Variants in RNF13 observed in about 807,000 individuals in gnomAD.
RNF13 encodes the protein E3 ubiquitin-protein ligase RNF13.
In RNF13, 19 loss-of-function variants were observed where a neutral mutation model predicts 37.7. The ratio of observed to expected loss-of-function variants is 0.50; its 90% CI spans 0.35 to 0.74. The LOEUF is 0.74. Among genes scored for constraint, RNF13 ranks in the 30% least tolerant of loss-of-function variants. The probability of loss-of-function intolerance (pLI) is 0.01; values close to 1 mark genes in which losing one functional copy is unlikely to be tolerated. For missense variants in RNF13, 375 were observed against 453.0 expected (o/e 0.83, Z 1.56); for synonymous variants, 144 against 157.8 (o/e 0.91, Z 0.65).
intron 2 of RNF13, among the ~76,000 whole-genome samples, chr3:149,846,896 C>T (rs1171717738): frequency 1.3e-5 from 2 of 152,140 alleles, no homozygotes; most frequent in African/African-American, 4.8e-5. Context: ...AGAAGAGAAG[C>T]ACAGTGGTCC....
At chr3:149,889,607 A>G (rs560516247) in intron 4 of RNF13, among the ~76,000 whole-genome samples, 3 of 149,746 alleles carry the variant, frequency 2.0e-5, no homozygotes, top group Non-Finnish European at 4.4e-5. Flanking sequence ...TTGGCCCCAA[A>G]TATTTATTGA....
intron 1 of RNF13, among the ~76,000 whole-genome samples, chr3:149,824,040 A>G (rs536103132): frequency 6.6e-6 from 1 of 152,358 alleles, no homozygotes; most frequent in Non-Finnish European, 1.5e-5. Context: ...GAGGTGCTCA[A>G]GAATGTTGGG....
Position 149,823,735 on chromosome 3 carries a change from A to G in RNF13, c.-17+10382A>G, listed in dbSNP as rs1720220282. On this transcript the variant is annotated intron_variant, in intron 1 of 9. Transcript: ENST00000392894. ...AGGGAAAATCTTTGTTATAATTTCA[A>G]GTAAAAAAGCATACAAATCATAATA... is the stretch of plus-strand genomic sequence containing the variant. 2.6e-5 allele frequency among the ~76,000 whole-genome samples: 4 copies of G among 152,342 alleles called. No homozygotes were observed. In the South Asian group the frequency reaches 8.3e-4, roughly 32 times the overall value.
chr3:149,959,245 T>C (rs1431070470), intron 8 of RNF13, among the ~76,000 whole-genome samples: 1 of 152,242 alleles, frequency 6.6e-6, no homozygotes, highest in Non-Finnish European at 1.5e-5. Context: ...AAACTGCTAG[T>C]TCCTGTGAAC....
At chr3:149,944,097 T>G (rs1720541319) in intron 8 of RNF13, among the ~76,000 whole-genome samples, 1 of 152,172 alleles carries the variant, frequency 6.6e-6, no homozygotes, top group Admixed American at 6.5e-5. Context: ...TTGCTGAGAA[T>G]GATGGTTTCC....
At chr3:149,950,362 T>A (rs545485548) in intron 8 of RNF13, among the ~76,000 whole-genome samples, 10 of 152,368 alleles carry the variant, frequency 6.6e-5, no homozygotes, top group African/African-American at 2.4e-4. Flanking sequence ...TGTTGAAAGC[T>A]GGACATGATA....
chr3:149,885,765 G>A (rs143098814), intron 4 of RNF13, among the ~76,000 whole-genome samples: 2 of 152,176 alleles, frequency 1.3e-5, no homozygotes, highest in Non-Finnish European at 2.9e-5. Flanking sequence ...TTTTGCTTTG[G>A]TTGCCTGTGC....
intron 7 of RNF13, among the ~76,000 whole-genome samples, chr3:149,917,923 T>G (rs1425909151): frequency 2.6e-5 from 4 of 152,206 alleles, no homozygotes; most frequent in Non-Finnish European, 5.9e-5. Flanking sequence ...AATTCAATAA[T>G]TTTAAGTATC....
Position 149,911,843 on chromosome 3 carries a change from A to G in RNF13, c.501-135A>G, listed in dbSNP as rs991574847. The G allele has an allele frequency of 5.6e-5, 34 of 605,642 alleles. 1 individual carries two copies. The South Asian group carries it at 6.8e-4, about 12-fold the overall frequency. 37.5% of individuals were successfully genotyped at this position (605,642 alleles called of 1,614,324 possible). Reference sequence around the variant, plus strand: ...TAAATTATTGAAAGTCATATTTTAGAAAATGAAATGTATGTAGTGGATTTA... The same window carrying G: ...TAAATTATTGAAAGTCATATTTTAGGAAATGAAATGTATGTAGTGGATTTA... On this transcript the variant is annotated intron_variant, in intron 6 of 9. Transcript: ENST00000392894.
In RNF13 at chr3:149,813,326, GT is replaced by G. The variant is rs1258581581; in HGVS notation, c.-41del. The G allele has an allele frequency of 6.6e-6, 1 of 152,332 alleles. No homozygotes were observed. The highest frequency in any genetic ancestry group is 2.4e-5 in the African/African-American group (1 of 41,456). The allele number at this position is 152,332 out of a possible 1,614,324, so 9.4% of individuals were successfully genotyped here. A position where few individuals can be genotyped will look rare whatever the true frequency, so the allele number is the denominator to read the frequency against. On this transcript the variant is annotated 5_prime_UTR_variant, in exon 1 of 10. Transcript: ENST00000392894. ...CCGCAGCGACGCGGCTGGCAAGACT[GT>G]TTGTGTTGCGGGGGCCGGACTTCAA... is the stretch of plus-strand genomic sequence containing the variant.
rs1723293261 is a variant in RNF13 at position 149,853,437 on chromosome 3, T to A, written c.195+841T>A. 2.1e-5 allele frequency among the ~76,000 whole-genome samples: 3 copies of A among 140,294 alleles called. No homozygotes were observed. In the South Asian group the frequency reaches 7.0e-4, roughly 33 times the overall value. 92.0% of individuals were successfully genotyped at this position (140,294 alleles called of 152,430 possible). ...GAACTTAAACATATTTTTTGCTGTGTGTGTGAGAGAGAGAGAGGGAGAGAG... is the reference window on the plus strand; with the variant it reads ...GAACTTAAACATATTTTTTGCTGTGAGTGTGAGAGAGAGAGAGGGAGAGAG... On this transcript the variant is annotated intron_variant, in intron 3 of 9. Transcript: ENST00000392894.
intron 8 of RNF13, among the ~76,000 whole-genome samples, chr3:149,959,393 GAATT>G (rs1333187436): frequency 1.8e-5 from 2 of 109,922 alleles, no homozygotes; most frequent in Non-Finnish European, 4.0e-5. Flanking sequence ...AAAGAGCTAT[GAATT>G]AATAAATTTC....
rs9683379 is a variant in RNF13 at position 149,925,725 on chromosome 3, C to T, written c.700+4498C>T. ...TCCATGAATTTCTTTAGCATATATA[C>T]CTAGAAGTAGATTAATTTGATCATA... is the stretch of plus-strand genomic sequence containing the variant. On this transcript the variant is annotated intron_variant, in intron 8 of 9. Coordinates refer to ENST00000392894, the MANE Select transcript of RNF13 (RefSeq NM_183381.3). Among the ~76,000 whole-genome samples, 232 of 151,896 alleles carry T rather than the reference C, an allele frequency of 1.5e-3. 1 individual carries two copies. Among genetic ancestry groups the T allele is most frequent in the African/African-American group, 5.2e-3 (217 of 41,398 alleles).
At chr3:149,905,509 T>G (rs988126458) in intron 6 of RNF13, among the ~76,000 whole-genome samples, 3 of 151,980 alleles carry the variant, frequency 2.0e-5, no homozygotes, top group Non-Finnish European at 2.9e-5. Context: ...ATATTACTTT[T>G]TTTTGTATTT....
chr3:149,835,953 T>G (rs1454442823), intron 1 of RNF13, among the ~76,000 whole-genome samples: 2 of 152,146 alleles, frequency 1.3e-5, no homozygotes, highest in African/African-American at 4.8e-5. Flanking sequence ...TTTGGTTCTT[T>G]AAGGAATCTC....
At chr3:149,953,860 G>A (rs919976387) in intron 8 of RNF13, among the ~76,000 whole-genome samples, 2 of 152,152 alleles carry the variant, frequency 1.3e-5, no homozygotes, top group African/African-American at 4.8e-5. Flanking sequence ...AAATGCTTAC[G>A]ATAGTGCTTG....
chr3:149,834,340 T>G (rs1459720862), intron 1 of RNF13, among the ~76,000 whole-genome samples: 2 of 152,206 alleles, frequency 1.3e-5, no homozygotes, highest in Non-Finnish European at 2.9e-5. Context: ...TTTCAAAACT[T>G]AACTACAAAA....
At chr3:149,855,107 T>C (rs1723516556) in intron 3 of RNF13, among the ~76,000 whole-genome samples, 1 of 152,036 alleles carries the variant, frequency 6.6e-6, no homozygotes, top group East Asian at 1.9e-4. Flanking sequence ...GTAGATCACT[T>C]CAGGTCAAGA....
intron 8 of RNF13, among the ~76,000 whole-genome samples, chr3:149,924,767 G>A (rs1718474446): frequency 6.6e-6 from 1 of 152,170 alleles, no homozygotes; most frequent in Non-Finnish European, 1.5e-5. Flanking sequence ...CAAAGAAATG[G>A]GGTCATAGCT....
Sources: allele counts gnomAD v4.1 joint callset (sites outside exome capture counted in the v4.1 genomes callset), GRCh38; gene constraint gnomAD v4.1.1; transcripts MANE v1.5; gene names NCBI Gene and HGNC (gene_info 2026-07-23, HGNC 2026-07-21).